Variants in OR13G1 observed in about 807,000 individuals in gnomAD.
OR13G1 encodes olfactory receptor 13G1.
For missense variants in OR13G1, 369 were observed against 385.7 expected (o/e 0.96, Z 0.36); for synonymous variants, 128 against 136.2 (o/e 0.94, Z 0.42).
rs758715618 is a variant in OR13G1, at chr1:247,672,650, G to T, written c.392C>A (p.Thr131Asn). Residue 131 changes from threonine (T) to asparagine (N), a missense_variant, in exon 2 of 2, where the codon ACT becomes AAT. Transcript: ENST00000642119. ...VAICFPLHYSTIMNHHMCVAL... is the reference protein window; with the variant it reads ...VAICFPLHYSNIMNHHMCVAL... The stretch of plus-strand genomic sequence containing the variant: ...TACACACATATGGTGGTTCATAATA[G>T]TACTGTAATGAAGAGGGAAACAAAT... The T allele has an allele frequency of 1.9e-6, 3 of 1,614,036 alleles. No homozygotes were observed. Among genetic ancestry groups the T allele is most frequent in the South Asian group, 2.2e-5 (2 of 91,080 alleles).
chr1:247,675,284 T>C (rs1659322924), intron 1 of OR13G1, among the ~76,000 whole-genome samples: 1 of 152,056 alleles, frequency 6.6e-6, no homozygotes, highest in Non-Finnish European at 1.5e-5. Flanking sequence ...CACTTATTAA[T>C]GTAAGTACTG....
At position 247,676,612 on chromosome 1, in the gene OR13G1, ATAAAC is replaced by A. The variant is rs1444696026; in HGVS notation, c.-239+3023_-239+3027del. 4.1e-4 allele frequency among the ~76,000 whole-genome samples: 63 copies of A among 152,350 alleles called. 1 individual carries two copies. Among genetic ancestry groups the A allele is most frequent in the African/African-American group, 1.5e-3 (61 of 41,590 alleles). On this transcript the variant is annotated intron_variant, in intron 1 of 1. Coordinates refer to ENST00000642119, the MANE Select transcript of OR13G1 (RefSeq NM_001005487.2). ...AGCATCAGTGATAAAACAATGAACA[ATAAAC>A]TAATATTCTTTGGGACCATGAGAAA...
intron 1 of OR13G1, among the ~76,000 whole-genome samples, chr1:247,677,130 C>T (rs1053240657): frequency 6.6e-6 from 1 of 152,098 alleles, no homozygotes; most frequent in African/African-American, 2.4e-5. Context: ...GTAATCCCAG[C>T]TACTTGGGAC....
chr1:247,674,374 CAG>C (rs747463247), intron 1 of OR13G1, among the ~76,000 whole-genome samples: 1 of 152,128 alleles, frequency 6.6e-6, no homozygotes, highest in Non-Finnish European at 1.5e-5. Context: ...GGTATCTAAA[CAG>C]AGACATAAAT....
chr1:247,672,791 G>C lies in OR13G1; in HGVS notation c.251C>G (p.Thr84Arg), dbSNP rs1480797603. Residue 84 changes from threonine (T) to arginine (R), a missense_variant, in exon 2 of 2, where the codon ACA becomes AGA. Thr to Arg is a moderately conservative substitution (Grantham distance 71). Transcript: ENST00000642119. ...TGCATATGAAATGGTATTTTCTGATGTTAGCATGGTCCCCAGCATCTTCGG... is the reference window on the plus strand; with the variant it reads ...TGCATATGAAATGGTATTTTCTGATCTTAGCATGGTCCCCAGCATCTTCGG... ...IIPKMLGTML[T>R]SENTISYAGC... 2 of 1,614,048 alleles carry C rather than the reference G, an allele frequency of 1.2e-6. No homozygotes were observed. Among genetic ancestry groups the C allele is most frequent in the East Asian group, 2.2e-5 (1 of 44,876 alleles).
At position 247,672,433 on chromosome 1, in the gene OR13G1, C is replaced by T. The variant is rs1659227818; in HGVS notation, c.609G>A (p.Leu203=). The change falls in exon 2 of 2, where the codon CTG becomes CTA. Residue 203 remains leucine, a synonymous_variant. Coordinates refer to ENST00000642119, the MANE Select transcript of OR13G1 (RefSeq NM_001005487.2). ...AGGTAAGAATAAAGTCCCCTATGGC[C>T]AGGGTAATATCAGCAACATACACCA... ...EVMVYVADIT[L]AIGDFILTCI... 5 of 1,613,988 alleles carry T rather than the reference C, an allele frequency of 3.1e-6. No homozygotes were observed. Among genetic ancestry groups the T allele is most frequent in the Admixed American group, 1.7e-5 (1 of 59,976 alleles).
chr1:247,673,679 G>A (rs1054205531), intron 1 of OR13G1, among the ~76,000 whole-genome samples: 1 of 152,058 alleles, frequency 6.6e-6, no homozygotes, highest in Admixed American at 6.6e-5. Flanking sequence ...TGTATTAGTA[G>A]TTTTTCATCG....
intron 1 of OR13G1, among the ~76,000 whole-genome samples, chr1:247,675,265 G>T (rs1659322503): frequency 1.3e-5 from 2 of 151,188 alleles, no homozygotes; most frequent in African/African-American, 4.9e-5. Flanking sequence ...TTTTTTCTTG[G>T]AGAACTGTCA....
Position 247,672,031 on chromosome 1 carries a change from T to C in OR13G1, c.*87A>G. The stretch of plus-strand genomic sequence containing the variant: ...AATAAGAGGGAAGGGAAAATTGGAG[T>C]GGAGGTAAGTATGAAAAACCAGTAA... On this transcript the variant is annotated 3_prime_UTR_variant, in exon 2 of 2. Transcript: ENST00000642119. 9.3e-7 allele frequency: 1 copy of C among 1,072,038 alleles called. No homozygotes were observed. Among genetic ancestry groups the C allele is most frequent in the Non-Finnish European group, 1.3e-6 (1 of 744,790 alleles). 66.4% of individuals were successfully genotyped at this position (1,072,038 alleles called of 1,614,324 possible). A position where few individuals can be genotyped will look rare whatever the true frequency, so the allele number is the denominator to read the frequency against.
Position 247,672,435 on chromosome 1 carries a change from G to A in OR13G1, c.607C>T (p.Leu203=). ...EVMVYVADIT[L]AIGDFILTCI... is the part of the protein sequence containing the mutation. ...GTAAGAATAAAGTCCCCTATGGCCA[G>A]GGTAATATCAGCAACATACACCATC... The change falls in exon 2 of 2, where the codon CTG becomes TTG. Residue 203 remains leucine (L), a synonymous_variant. Coordinates refer to ENST00000642119, the MANE Select transcript of OR13G1 (RefSeq NM_001005487.2). The A allele has an allele frequency of 6.2e-7, 1 of 1,614,078 alleles. No individual in the cohort carries two copies. The highest frequency in any genetic ancestry group is 8.5e-7 in the Non-Finnish European group (1 of 1,179,992).
At chr1:247,674,367 A>T (rs1659299644) in intron 1 of OR13G1, among the ~76,000 whole-genome samples, 1 of 152,222 alleles carries the variant, frequency 6.6e-6, no homozygotes, top group Non-Finnish European at 1.5e-5. Flanking sequence ...TACCTCTGGT[A>T]TCTAAACAGA....
chr1:247,678,508 C>A (rs749756063), intron 1 of OR13G1, among the ~76,000 whole-genome samples: 2 of 152,180 alleles, frequency 1.3e-5, no homozygotes, highest in Non-Finnish European at 2.9e-5. Flanking sequence ...TCCTGAATGA[C>A]TTCTGTCAGA....
chr1:247,673,129 G>A lies in OR13G1; in HGVS notation c.-88C>T. 3.0e-6 allele frequency: 3 copies of A among 1,014,280 alleles called. No homozygotes were observed. In the South Asian group the frequency reaches 4.7e-5, roughly 16 times the overall value. 62.8% of individuals were successfully genotyped at this position (1,014,280 alleles called of 1,614,324 possible). Reference sequence around the variant, plus strand: ...CCTGTGTTGTTAGGAGATAACATGAGGAGTGTGTGTACTTAGGGACTTAAT... The same window carrying A: ...CCTGTGTTGTTAGGAGATAACATGAAGAGTGTGTGTACTTAGGGACTTAAT... On this transcript the variant is annotated 5_prime_UTR_variant, in exon 2 of 2. Coordinates refer to ENST00000642119, the MANE Select transcript of OR13G1 (RefSeq NM_001005487.2).
In OR13G1 at chr1:247,671,229, T is replaced by C. The variant is rs2103152894; in HGVS notation, c.*889A>G. ...TAATATAGCTATAGCCAATGAGATGTAGCTTATACTTACTGGGTTATCCTT... is the reference window on the plus strand; with the variant it reads ...TAATATAGCTATAGCCAATGAGATGCAGCTTATACTTACTGGGTTATCCTT... On this transcript the variant is annotated 3_prime_UTR_variant, in exon 2 of 2. Transcript: ENST00000642119. 1 of 152,264 alleles carries C rather than the reference T, an allele frequency of 6.6e-6. No homozygotes were observed. The highest frequency in any genetic ancestry group is 2.4e-5 in the African/African-American group (1 of 41,568). The allele number at this position is 152,264 out of a possible 1,614,324, so 9.4% of individuals were successfully genotyped here.
chr1:247,675,163 C>T (rs933301482), intron 1 of OR13G1, among the ~76,000 whole-genome samples: 2 of 151,960 alleles, frequency 1.3e-5, no homozygotes, highest in Non-Finnish European at 2.9e-5. Flanking sequence ...AGATAACAGA[C>T]CCCTTTCAGC....
In OR13G1 at chr1:247,672,331, T is replaced by A. The variant is rs764409679; in HGVS notation, c.711A>T (p.Thr237=). ...TCACCACTGTGAGATGAGATGAGCA[T>A]GTTGAGAAGGCCTTCCTCTTGCCTT... ...TVEGKRKAFS[T]CSSHLTVVTL... is the part of the protein sequence containing the mutation. Residue 237 remains threonine, a synonymous_variant, in exon 2 of 2, where the codon ACA becomes ACT. Coordinates refer to ENST00000642119, the MANE Select transcript of OR13G1 (RefSeq NM_001005487.2). The A allele has an allele frequency of 1.9e-6, 3 of 1,614,000 alleles. No individual in the cohort carries two copies. The highest frequency in any genetic ancestry group is 1.7e-5 in the Admixed American group (1 of 59,988).
rs758480288 is a variant in OR13G1, at chr1:247,672,241, T to C, written c.801A>G (p.Arg267=). Residue 267 remains arginine (R), a synonymous_variant, in exon 2 of 2, where the codon AGA becomes AGG. Coordinates refer to ENST00000642119, the MANE Select transcript of OR13G1 (RefSeq NM_001005487.2). ...IRPASSYTFE[R]DKVVAALYTL... The stretch of plus-strand genomic sequence containing the variant: ...TATAGAGTGCAGCTACCACCTTGTC[T>C]CTTTCAAATGTATAGCTGGAAGCAG... 1.2e-6 allele frequency: 2 copies of C among 1,614,116 alleles called. No homozygotes were observed. The highest frequency in any genetic ancestry group is 1.7e-6 in the Non-Finnish European group (2 of 1,179,994).
At chr1:247,673,842 G>C (rs1257743195) in intron 1 of OR13G1, among the ~76,000 whole-genome samples, 2 of 151,998 alleles carry the variant, frequency 1.3e-5, no homozygotes, top group African/African-American at 2.4e-5. Flanking sequence ...TGTAAGATTT[G>C]GATTTATTAT....
chr1:247,674,213 T>G (rs1327886686), intron 1 of OR13G1, among the ~76,000 whole-genome samples: 1 of 152,184 alleles, frequency 6.6e-6, no homozygotes, highest in Non-Finnish European at 1.5e-5. Flanking sequence ...TTTGGTACAT[T>G]TGTATGCACA....
Sources: allele counts gnomAD v4.1 joint callset (sites outside exome capture counted in the v4.1 genomes callset), GRCh38; gene constraint gnomAD v4.1.1; transcripts MANE v1.5; gene names NCBI Gene and HGNC (gene_info 2026-07-23, HGNC 2026-07-21).